Variants in PTPRN2 observed in about 807,000 individuals in gnomAD.
The protein encoded by PTPRN2 is protein tyrosine phosphatase receptor type N2.
In PTPRN2, 74 loss-of-function variants were observed where a neutral mutation model predicts 118.8. The observed-to-expected ratio is 0.62, with a 90% CI of 0.52 to 0.76. PTPRN2 has a LOEUF of 0.76. Among genes scored for constraint, PTPRN2 ranks in the 30% least tolerant of loss-of-function variants. The pLI, the probability that PTPRN2 is intolerant of heterozygous loss-of-function variation, is 0.00. For synonymous variants in PTPRN2, 641 were observed against 608.0 expected, an observed-to-expected ratio of 1.05 and a Z score of -0.80; for missense variants, 1,481 against 1,394.4, an observed-to-expected ratio of 1.06 and a Z score of -0.99.
At chr7:158,192,675 C>T (rs1017819606) in intron 4 of PTPRN2, among the ~76,000 whole-genome samples, 180 bp from the exon 5 acceptor site, 24 of 152,156 alleles carry the variant, frequency 1.6e-4, no homozygotes, top group Non-Finnish European at 2.6e-4. Flanking sequence ...AGCCTGTGTC[C>T]TGCACGAGGA....
At chr7:158,232,091 T>A (rs1829193542) in intron 3 of PTPRN2, among the ~76,000 whole-genome samples, 1 of 150,570 alleles carries the variant, frequency 6.6e-6, no homozygotes, top group Admixed American at 6.6e-5. Flanking sequence ...CTAAAATGAG[T>A]AGAAGGAAAG....
intron 2 of PTPRN2, among the ~76,000 whole-genome samples, chr7:158,362,442 G>C (rs1255138404): frequency 2.6e-5 from 4 of 152,224 alleles, no homozygotes; most frequent in Admixed American, 2.6e-4. Flanking sequence ...GCCTAATTAA[G>C]GCAATGTGAC....
rs974668292 is a variant in PTPRN2, at chr7:158,479,064, T to C, written c.163+10671A>G. ...AGGACAGGACCCACGAGTGAGTGTTTCGGGGGCAGAAGAGGTAAAGAACAG... is the reference window on the plus strand; with the variant it reads ...AGGACAGGACCCACGAGTGAGTGTTCCGGGGGCAGAAGAGGTAAAGAACAG... On this transcript the variant is annotated intron_variant, in intron 2 of 22. Transcript: ENST00000389418. Among the ~76,000 whole-genome samples, 3 of 151,978 alleles carry C rather than the reference T, an allele frequency of 2.0e-5. No individual in the cohort carries two copies. In the East Asian group the frequency reaches 5.8e-4, roughly 29 times the overall value.
intron 11 of PTPRN2, among the ~76,000 whole-genome samples, chr7:158,002,280 C>T (rs900604545): frequency 6.6e-6 from 1 of 152,210 alleles, no homozygotes; most frequent in African/African-American, 2.4e-5. Flanking sequence ...CACTCACTCA[C>T]CCCTTTATTA....
intron 11 of PTPRN2, among the ~76,000 whole-genome samples, chr7:158,079,975 G>T (rs1812671372): frequency 6.6e-6 from 1 of 152,126 alleles, no homozygotes; most frequent in Non-Finnish European, 1.5e-5. Context: ...AAATCAGACT[G>T]CAGAAGTTTA....
At chr7:157,891,425 C>A (rs1326741145) in intron 12 of PTPRN2, among the ~76,000 whole-genome samples, 1 of 139,244 alleles carries the variant, frequency 7.2e-6, no homozygotes, top group Non-Finnish European at 1.6e-5. Flanking sequence ...CGCCCCCCAC[C>A]CCAGGTAACA....
rs1563576666 is a variant in PTPRN2, at chr7:158,188,242, CG to C, written c.549+4084del. On this transcript the variant is annotated intron_variant, in intron 5 of 22. Coordinates refer to ENST00000389418, the MANE Select transcript of PTPRN2 (RefSeq NM_002847.5). ...ATGGGGAAGGCCGCCACGCTTGCCC[CG>C]CGATGGGGAAGGCCGCCACGCTCGC... Among the ~76,000 whole-genome samples, 112 of 106,860 alleles carry C rather than the reference CG, an allele frequency of 1.0e-3. 2 individuals carry two copies. Among genetic ancestry groups the C allele is most frequent in the Non-Finnish European group, 1.6e-3 (84 of 51,472 alleles). 70.1% of individuals were successfully genotyped at this position (106,860 alleles called of 152,430 possible). A position where few individuals can be genotyped will look rare whatever the true frequency, so the allele number is the denominator to read the frequency against.
chr7:158,472,863 C>T (rs763253626), intron 2 of PTPRN2, among the ~76,000 whole-genome samples: 1 of 152,180 alleles, frequency 6.6e-6, no homozygotes, highest in Non-Finnish European at 1.5e-5. Context: ...TGGGAGGCAG[C>T]AGTGGCGGCG....
intron 1 of PTPRN2, among the ~76,000 whole-genome samples, chr7:158,524,360 GTCA>G (rs770574014): frequency 0.14 from 7,127 of 51,720 alleles, 1,991 homozygotes; most frequent in East Asian, 0.49. Flanking sequence ...CTGGAGTGGA[GTCA>G]TCTGCCCTGG....
chr7:158,124,083 C>A (rs1269943748), intron 9 of PTPRN2, among the ~76,000 whole-genome samples: 1 of 152,220 alleles, frequency 6.6e-6, no homozygotes, highest in Non-Finnish European at 1.5e-5. Context: ...ACCTGAGTTG[C>A]CCATCATGAA....
chr7:158,136,800 A>G, intron 7 of PTPRN2, 105 bp from the exon 8 acceptor site: 1 of 1,047,920 alleles, frequency 9.5e-7, no homozygotes, highest in South Asian at 1.3e-5. Flanking sequence ...ACGAAAGGTG[A>G]GGTGTGATGA....
intron 2 of PTPRN2, among the ~76,000 whole-genome samples, chr7:158,487,290 A>G (rs1821100662): frequency 6.6e-6 from 1 of 152,206 alleles, no homozygotes. Flanking sequence ...GTACGTACCC[A>G]GAAGTGGGGT....
intron 2 of PTPRN2, among the ~76,000 whole-genome samples, chr7:158,459,415 C>T (rs73522575): frequency 0.097 from 14,643 of 150,976 alleles, 799 homozygotes; most frequent in Middle Eastern, 0.12. Context: ...CTGGGACGAA[C>T]GGGATCCAGA....
intron 5 of PTPRN2, among the ~76,000 whole-genome samples, chr7:158,174,116 A>G (rs1823966969): frequency 6.6e-6 from 1 of 152,234 alleles, no homozygotes; most frequent in African/African-American, 2.4e-5. Context: ...TGAAATCTTC[A>G]CAATTTATGT....
chr7:158,272,748 C>T (rs1441770412), intron 3 of PTPRN2, among the ~76,000 whole-genome samples: 1 of 152,152 alleles, frequency 6.6e-6, no homozygotes, highest in Non-Finnish European at 1.5e-5. Flanking sequence ...ATCCCTTTCA[C>T]CAGACTGCAG....
intron 2 of PTPRN2, among the ~76,000 whole-genome samples, chr7:158,431,860 G>A (rs1188741026): frequency 3.9e-5 from 6 of 152,244 alleles, no homozygotes; most frequent in Non-Finnish European, 8.8e-5. Flanking sequence ...GCTGGTGCCA[G>A]GGGAAGCTGT....
intron 3 of PTPRN2, among the ~76,000 whole-genome samples, chr7:158,299,823 A>G (rs1800758659): frequency 6.6e-6 from 1 of 152,140 alleles, no homozygotes; most frequent in East Asian, 1.9e-4. Context: ...AAGCCCTGGC[A>G]GGTGCTTGCT....
chr7:158,234,836 C>T (rs1829423824), intron 3 of PTPRN2, among the ~76,000 whole-genome samples: 1 of 152,214 alleles, frequency 6.6e-6, no homozygotes, highest in Non-Finnish European at 1.5e-5. Flanking sequence ...AATCTCCGCT[C>T]ACTGCAACCT....
chr7:157,817,841 A>G (rs1441685928), intron 12 of PTPRN2, among the ~76,000 whole-genome samples: 1 of 151,372 alleles, frequency 6.6e-6, no homozygotes, highest in East Asian at 1.9e-4. Context: ...TGTGTAGCGT[A>G]TGTGTGTGGT....
Sources: gnomAD v4.1 joint callset for allele counts (sites outside exome capture counted in the v4.1 genomes callset) on GRCh38, gnomAD v4.1.1 for gene constraint, MANE v1.5 for transcripts, NCBI Gene and HGNC (gene_info 2026-07-23, HGNC 2026-07-21) for gene names.